LARGE1: variants seen among roughly 807,000 people sequenced by gnomAD.
LARGE1 encodes the protein xylosyl- and glucuronyltransferase LARGE1.
A neutral mutation model predicts 87.6 loss-of-function variants in LARGE1; 43 were observed. The ratio of observed to expected loss-of-function variants is 0.49; its 90% CI spans 0.38 to 0.63. The LOEUF is 0.63. Ranked by LOEUF, LARGE1 falls within the 30% of genes least tolerant of loss-of-function variation. The pLI, the probability that LARGE1 is intolerant of heterozygous loss-of-function variation, is 0.00. For missense variants in LARGE1, 802 were observed against 1,000.2 expected (o/e 0.80, Z 2.67); for synonymous variants, 434 against 394.6 (o/e 1.10, Z -1.18).
chr22:33,623,012 G>A (rs2079803827), intron 4 of LARGE1, among the ~76,000 whole-genome samples: 1 of 152,156 alleles, frequency 6.6e-6, no homozygotes, highest in African/African-American at 2.4e-5. Context: ...TTTGCAGCTA[G>A]GGCAACAGGA....
chr22:33,230,618 A>G (rs1925961186), intron 11 of LARGE1, among the ~76,000 whole-genome samples: 1 of 152,252 alleles, frequency 6.6e-6, no homozygotes, highest in Non-Finnish European at 1.5e-5. Flanking sequence ...AACTTCTGAG[A>G]GAAAATCCCT....
At chr22:33,831,779 C>CAT (rs1555881578) in intron 1 of LARGE1, among the ~76,000 whole-genome samples, 1 of 143,714 alleles carries the variant, frequency 7.0e-6, no homozygotes, top group South Asian at 2.4e-4. Flanking sequence ...CACACACACA[C>CAT]ACACATACAC....
intron 2 of LARGE1, among the ~76,000 whole-genome samples, chr22:33,748,200 C>T (rs1356462054): frequency 6.7e-6 from 1 of 149,062 alleles, no homozygotes. Context: ...GGCATGATCT[C>T]GGCTCACTGC....
At position 33,274,351 on chromosome 22, in the gene LARGE1, T is replaced by G; in HGVS notation, c.*76A>C. The G allele has an allele frequency of 6.8e-7, 1 of 1,474,350 alleles. No homozygotes were observed. The allele number at this position is 1,474,350 out of a possible 1,614,324, so 91.3% of individuals were successfully genotyped here. A position where few individuals can be genotyped will look rare whatever the true frequency, so the allele number is the denominator to read the frequency against. ...CGAAAAAGCATGGCTCAATTTTGAA[T>G]TTGAAGGCCGGGCCCCAAACAGCGA... On this transcript the variant is annotated 3_prime_UTR_variant, in exon 15 of 15. Transcript: ENST00000397394.
At chr22:33,589,151 G>A (rs2148908749) in intron 5 of LARGE1, among the ~76,000 whole-genome samples, 1 of 152,296 alleles carries the variant, frequency 6.6e-6, no homozygotes, top group South Asian at 2.1e-4. Context: ...AGGGCCCACG[G>A]CTAGGCTGCA....
At chr22:33,828,388 A>G (rs2062860744) in intron 1 of LARGE1, among the ~76,000 whole-genome samples, 1 of 150,958 alleles carries the variant, frequency 6.6e-6, no homozygotes, top group Non-Finnish European at 1.5e-5. Context: ...GGAGATGGTC[A>G]ATGGCATGAA....
intron 6 of LARGE1, among the ~76,000 whole-genome samples, chr22:33,559,916 C>T (rs924941014): frequency 1.3e-5 from 2 of 152,122 alleles, no homozygotes; most frequent in Non-Finnish European, 2.9e-5. Flanking sequence ...GCCTAGATCG[C>T]CTTGGGCCCG....
the LARGE1 span, among the ~76,000 whole-genome samples, chr22:33,134,461 G>A: frequency 6.6e-6 from 1 of 152,134 alleles, no homozygotes; most frequent in Non-Finnish European, 1.5e-5. Flanking sequence ...ATTTCACCGT[G>A]TTAGCTAGGA....
intron 6 of LARGE1, among the ~76,000 whole-genome samples, chr22:33,508,972 G>A (rs1239787824): frequency 6.6e-6 from 1 of 152,160 alleles, no homozygotes; most frequent in East Asian, 1.9e-4. Flanking sequence ...CAGTTACTTA[G>A]CTGCTAATTG....
chr22:33,114,636 G>A, the LARGE1 span, among the ~76,000 whole-genome samples: 1 of 152,200 alleles, frequency 6.6e-6, no homozygotes, highest in Non-Finnish European at 1.5e-5. Flanking sequence ...GCATAAATGT[G>A]TTTCTATGCC....
At chr22:33,371,634 T>C (rs1324634010) in intron 9 of LARGE1, among the ~76,000 whole-genome samples, 1 of 152,136 alleles carries the variant, frequency 6.6e-6, no homozygotes, top group Non-Finnish European at 1.5e-5. Context: ...AATATTTCAG[T>C]TTTCATAAGT....
chr22:33,914,300 T>C (rs60220430), intron 1 of LARGE1, among the ~76,000 whole-genome samples: 19,419 of 152,198 alleles, frequency 0.13, 2,606 homozygotes, highest in African/African-American at 0.34. Context: ...TCAAAAGACC[T>C]TTGATATTCA....
At chr22:33,174,491 G>A (rs927199019) in intron 11 of LARGE1, among the ~76,000 whole-genome samples, 1 of 152,120 alleles carries the variant, frequency 6.6e-6, no homozygotes, top group Non-Finnish European at 1.5e-5. Context: ...ATTAAGATCA[G>A]AGCAGAACCA....
At chr22:33,505,796 T>G (rs1199576000) in intron 6 of LARGE1, among the ~76,000 whole-genome samples, 1 of 152,154 alleles carries the variant, frequency 6.6e-6, no homozygotes, top group Admixed American at 6.5e-5. Context: ...TCAGGAATCA[T>G]CTCTTGATTC....
Position 33,626,338 on chromosome 22 carries a change from A to T in LARGE1, c.409-12T>A. ...GCAACGTGGATTGTCTGGGAAGAAA[A>T]GAAGACGGGGTGAGCAGTCAGACAG... On this transcript the variant is annotated splice_polypyrimidine_tract_variant and intron_variant, in intron 3 of 14. Transcript: ENST00000397394. The T allele has an allele frequency of 1.2e-6, 2 of 1,611,592 alleles. No homozygotes were observed. The highest frequency in any genetic ancestry group is 1.7e-6 in the Non-Finnish European group (2 of 1,177,788).
In LARGE1 at chr22:33,920,019, G is replaced by A. The variant is rs1443847726; in HGVS notation, c.-107C>T. On this transcript the variant is annotated 5_prime_UTR_variant, in exon 1 of 15. Coordinates refer to ENST00000397394, the MANE Select transcript of LARGE1 (RefSeq NM_133642.5). ...CCTTGGCCGTGACTGCCGCCAGGCAGAGGGAGACACGGAAGAACAGGGTGG... is the reference window on the plus strand; with the variant it reads ...CCTTGGCCGTGACTGCCGCCAGGCAAAGGGAGACACGGAAGAACAGGGTGG... 2.0e-5 allele frequency: 3 copies of A among 152,380 alleles called. No individual in the cohort carries two copies. 9.4% of individuals were successfully genotyped at this position (152,380 alleles called of 1,614,324 possible).
At chr22:33,900,457 C>T (rs890743637) in intron 1 of LARGE1, among the ~76,000 whole-genome samples, 3 of 152,294 alleles carry the variant, frequency 2.0e-5, no homozygotes, top group African/African-American at 7.2e-5. Context: ...TAATGTCCAA[C>T]GGGCATCCGG....
chr22:33,081,073 G>C, the LARGE1 span, among the ~76,000 whole-genome samples: 66 of 152,268 alleles, frequency 4.3e-4, no homozygotes, highest in Non-Finnish European at 1.5e-5. Flanking sequence ...CTATTCCCCA[G>C]TGTGAGGTAT....
At chr22:33,278,966 T>C (rs1033802665) in intron 13 of LARGE1, among the ~76,000 whole-genome samples, 51 of 152,114 alleles carry the variant, frequency 3.4e-4, no homozygotes, top group African/African-American at 1.2e-3. Context: ...GATCCGCCCG[T>C]CTTGGCCTCC....
Sources: gnomAD v4.1 joint callset for allele counts (sites outside exome capture counted in the v4.1 genomes callset) on GRCh38, gnomAD v4.1.1 for gene constraint, MANE v1.5 for transcripts, NCBI Gene and HGNC (gene_info 2026-07-23, HGNC 2026-07-21) for gene names.